The following SLC17A5 variants were observed in gnomAD, a reference collection of about 807,000 sequenced individuals.
SLC17A5 encodes the protein solute carrier family 17 member 5.
SLC17A5 carries 47 observed loss-of-function variants against 59.4 expected under a neutral mutation model. The observed-to-expected ratio is 0.79, with a 90% CI of 0.63 to 1.01. The LOEUF (loss-of-function observed/expected upper bound fraction) is 1.01. SLC17A5 is among the 50% of genes least tolerant of loss of function. The probability of loss-of-function intolerance (pLI) is 0.00; values close to 1 mark genes in which losing one functional copy is unlikely to be tolerated. For synonymous variants in SLC17A5, 202 were observed against 210.7 expected (o/e 0.96, Z 0.36); for missense variants, 522 against 595.5 (o/e 0.88, Z 1.28).
In SLC17A5 at chr6:73,612,815, G is replaced by C. The variant is rs559015058; in HGVS notation, c.1112-2268C>G. Reference sequence around the variant, plus strand: ...GCCTGTAATTCCAGCACTTTGAAAGGCTGAGGTGGGAGGATCGCTTGAGCC... The same window carrying C: ...GCCTGTAATTCCAGCACTTTGAAAGCCTGAGGTGGGAGGATCGCTTGAGCC... On this transcript the variant is annotated intron_variant, in intron 8 of 10. Transcript: ENST00000355773. Among the ~76,000 whole-genome samples the C allele has an allele frequency of 7.2e-5, 11 of 152,282 alleles. 1 individual carries two copies. Among genetic ancestry groups the C allele is most frequent in the African/African-American group, 2.4e-4 (10 of 41,558 alleles).
At chr6:73,635,142 T>A (rs2150112067) in intron 6 of SLC17A5, 1 of 280,134 alleles carries the variant, frequency 3.6e-6, no homozygotes, top group East Asian at 6.0e-5. Context: ...TCTCACTATG[T>A]TGACTAGGCT....
intron 6 of SLC17A5, among the ~76,000 whole-genome samples, chr6:73,624,155 GC>G (rs1768288453): frequency 6.6e-6 from 1 of 151,942 alleles, no homozygotes. Context: ...TGTAATTCCA[GC>G]ACTTTGGGAG....
In SLC17A5 at chr6:73,653,973, G is replaced by A; in HGVS notation, c.-87C>T. On this transcript the variant is annotated 5_prime_UTR_variant, in exon 1 of 11. Coordinates refer to ENST00000355773, the MANE Select transcript of SLC17A5 (RefSeq NM_012434.5). ...CCGAAGCCCCCGGGCCGAGCTGGCT[G>A]GACCGGGCGGGGCGGGGGCGATGAC... 2 of 1,236,440 alleles carry A rather than the reference G, an allele frequency of 1.6e-6. No individual in the cohort carries two copies. Among genetic ancestry groups the A allele is most frequent in the Non-Finnish European group, 2.3e-6 (2 of 868,792 alleles). The allele number at this position is 1,236,440 out of a possible 1,614,324, so 76.6% of individuals were successfully genotyped here.
intron 4 of SLC17A5, among the ~76,000 whole-genome samples, chr6:73,637,551 C>G (rs1173253070): frequency 6.6e-6 from 1 of 152,054 alleles, no homozygotes; most frequent in African/African-American, 2.4e-5. Context: ...CTGATATAAC[C>G]CGGCTCTTAT....
chr6:73,598,899 G>A (rs940954168), intron 10 of SLC17A5, among the ~76,000 whole-genome samples: 13 of 152,034 alleles, frequency 8.6e-5, no homozygotes, highest in Admixed American at 6.6e-5. Flanking sequence ...CAGGAAAATC[G>A]CCGGAACCCG....
intron 6 of SLC17A5, among the ~76,000 whole-genome samples, chr6:73,624,904 T>C (rs1285423298): frequency 6.6e-6 from 1 of 151,962 alleles, no homozygotes; most frequent in African/African-American, 2.4e-5. Context: ...TACATTCAGA[T>C]TGTGAGCCTC....
At chr6:73,624,845 C>G (rs1338128223) in intron 6 of SLC17A5, among the ~76,000 whole-genome samples, 1 of 151,990 alleles carries the variant, frequency 6.6e-6, no homozygotes, top group Non-Finnish European at 1.5e-5. Context: ...TGCACTCCAG[C>G]TTGGCGACAG....
At chr6:73,601,926 G>A (rs1419760858) in intron 9 of SLC17A5, among the ~76,000 whole-genome samples, 3 of 150,052 alleles carry the variant, frequency 2.0e-5, no homozygotes, top group Non-Finnish European at 3.0e-5. Context: ...CCACCACCCC[G>A]TCTGGGAGGT....
intron 10 of SLC17A5, among the ~76,000 whole-genome samples, chr6:73,597,471 A>G (rs1766867923): frequency 6.6e-6 from 1 of 151,020 alleles, no homozygotes; most frequent in Non-Finnish European, 1.5e-5. Flanking sequence ...CGTCTCAAAA[A>G]CAAAACAAAA....
At chr6:73,611,546 T>A (rs1337762142) in intron 8 of SLC17A5, among the ~76,000 whole-genome samples, 1 of 151,654 alleles carries the variant, frequency 6.6e-6, no homozygotes. Flanking sequence ...CCCAAAGTGC[T>A]GGGATTACAG....
chr6:73,639,636 TAGGAATGC>T (rs1769182222), intron 3 of SLC17A5, among the ~76,000 whole-genome samples: 1 of 152,204 alleles, frequency 6.6e-6, no homozygotes, highest in Non-Finnish European at 1.5e-5. Context: ...AATCAGATGG[TAGGAATGC>T]AAGATAGTAA....
chr6:73,601,835 C>G (rs1187221355), intron 9 of SLC17A5, among the ~76,000 whole-genome samples: 1 of 149,760 alleles, frequency 6.7e-6, no homozygotes, highest in African/African-American at 2.5e-5. Flanking sequence ...GCCCCCTGCC[C>G]GGCCAGCCGC....
At chr6:73,601,545 T>C in intron 9 of SLC17A5, among the ~76,000 whole-genome samples, 1 of 92,388 alleles carries the variant, frequency 1.1e-5, no homozygotes, top group East Asian at 2.8e-4. Flanking sequence ...AGCCAACCCG[T>C]CCGGGAGGTG....
intron 6 of SLC17A5, among the ~76,000 whole-genome samples, chr6:73,625,755 T>C (rs994253191): frequency 2.6e-5 from 4 of 152,152 alleles, no homozygotes; most frequent in Non-Finnish European, 5.9e-5. Flanking sequence ...TTGCTGCATA[T>C]AAGAATCACC....
At position 73,614,436 on chromosome 6, in the gene SLC17A5, T is replaced by C. The variant is rs558756643; in HGVS notation, c.1111+879A>G. Among the ~76,000 whole-genome samples the C allele has an allele frequency of 3.0e-4, 46 of 152,278 alleles. No individual in the cohort carries two copies. The South Asian group carries it at 4.6e-3, about 15-fold the overall frequency. ...AAAAAATTGTTTTAAAAAAGAAATATATATTTGGTCTCTGCCCCCGGTTTT... is the reference window on the plus strand; with the variant it reads ...AAAAAATTGTTTTAAAAAAGAAATACATATTTGGTCTCTGCCCCCGGTTTT... On this transcript the variant is annotated intron_variant, in intron 8 of 10. Coordinates refer to ENST00000355773, the MANE Select transcript of SLC17A5 (RefSeq NM_012434.5).
chr6:73,645,252 G>C, intron 1 of SLC17A5: 2 of 898,448 alleles, frequency 2.2e-6, no homozygotes, highest in Non-Finnish European at 2.7e-6. Flanking sequence ...TTACTGCCAA[G>C]GGTAGGGCAT....
In SLC17A5 at chr6:73,624,488, T is replaced by G. The variant is rs368606292; in HGVS notation, c.820-2526A>C. On this transcript the variant is annotated intron_variant, in intron 6 of 10. Coordinates refer to ENST00000355773, the MANE Select transcript of SLC17A5 (RefSeq NM_012434.5). The stretch of plus-strand genomic sequence containing the variant: ...TATTAAGATGTAAATTTTATGTATA[T>G]TCTGTTTATTTCATCTATCAATCCT... Among the ~76,000 whole-genome samples the G allele has an allele frequency of 3.9e-5, 6 of 152,238 alleles. No homozygotes were observed. The East Asian group carries it at 5.8e-4, about 15-fold the overall frequency.
At chr6:73,595,348 G>A in intron 10 of SLC17A5, 134 bp from the exon 11 acceptor site, 1 of 902,736 alleles carries the variant, frequency 1.1e-6, no homozygotes, top group Non-Finnish European at 1.8e-6. Flanking sequence ...CAACCCAAAT[G>A]TCCACCAGCA....
chr6:73,633,971 T>A (rs1027886027), intron 6 of SLC17A5, among the ~76,000 whole-genome samples: 1 of 152,094 alleles, frequency 6.6e-6, no homozygotes. Context: ...ACTAATAAAG[T>A]GACTTTGAAG....
Sources: gnomAD v4.1 joint callset for allele counts (sites outside exome capture counted in the v4.1 genomes callset) on GRCh38, gnomAD v4.1.1 for gene constraint, MANE v1.5 for transcripts, NCBI Gene and HGNC (gene_info 2026-07-23, HGNC 2026-07-21) for gene names.